TMEM132C: variants seen among roughly 807,000 people sequenced by gnomAD.
TMEM132C encodes the protein transmembrane protein 132C.
Under a neutral mutation model 61.4 loss-of-function variants are expected in TMEM132C, and 29 were observed. The observed-to-expected ratio is 0.47, with a 90% CI of 0.35 to 0.64. The LOEUF is 0.64. Ranked by LOEUF, TMEM132C falls within the 30% of genes least tolerant of loss-of-function variation. The pLI is 0.00. For missense variants in TMEM132C, 1,408 were observed against 1,476.9 expected, an observed-to-expected ratio of 0.95 and a Z score of 0.76; for synonymous variants, 656 against 633.1, an observed-to-expected ratio of 1.04 and a Z score of -0.54.
At chr12:128,495,058 G>T (rs1336022494) in intron 2 of TMEM132C, among the ~76,000 whole-genome samples, 12 of 131,798 alleles carry the variant, frequency 9.1e-5, no homozygotes, top group Non-Finnish European at 2.0e-4. Flanking sequence ...GTTCTCGTTG[G>T]TTTCAAAGAA....
intron 1 of TMEM132C, among the ~76,000 whole-genome samples, chr12:128,297,730 C>T (rs1041032480): frequency 2.0e-5 from 3 of 152,098 alleles, no homozygotes; most frequent in Non-Finnish European, 1.5e-5. Flanking sequence ...TGAACTTTTT[C>T]CTTCTGACAC....
At chr12:128,669,595 TG>T in intron 5 of TMEM132C, 35 bp downstream of exon 5, 1 of 1,546,778 alleles carries the variant, frequency 6.5e-7, no homozygotes, top group South Asian at 1.2e-5. Flanking sequence ...ATGGAACCGG[TG>T]GGAACTTCAC....
chr12:128,415,903 C>T lies in TMEM132C; in HGVS notation c.974+283C>T, dbSNP rs909993798. Reference sequence around the variant, plus strand: ...CTCTCTAGACCTTCAGTTATCCTCACACTTGGAGAGGGATGTGATTTTTCT... The same window carrying T: ...CTCTCTAGACCTTCAGTTATCCTCATACTTGGAGAGGGATGTGATTTTTCT... On this transcript the variant is annotated intron_variant, in intron 2 of 8. Coordinates refer to ENST00000435159, the MANE Select transcript of TMEM132C (RefSeq NM_001136103.3). This position sits in a 1 kb window ranked among gnomAD's most constrained non-coding sequence, Gnocchi z 5.8. 6.6e-6 allele frequency among the ~76,000 whole-genome samples: 1 copy of T among 152,112 alleles called. No individual in the cohort carries two copies. Among genetic ancestry groups the T allele is most frequent in the African/African-American group, 2.4e-5 (1 of 41,416 alleles).
intron 2 of TMEM132C, among the ~76,000 whole-genome samples, chr12:128,473,887 T>C (rs78205264): frequency 1.1e-3 from 169 of 152,282 alleles, no homozygotes; most frequent in African/African-American, 3.7e-3. Flanking sequence ...TCTGCAAAAA[T>C]CATTTCTCCA....
At chr12:128,614,968 G>C (rs898336160) in intron 3 of TMEM132C, among the ~76,000 whole-genome samples, 2 of 152,176 alleles carry the variant, frequency 1.3e-5, no homozygotes, top group Admixed American at 1.3e-4. Flanking sequence ...CTGGATGCCA[G>C]GGGCACCCCA....
chr12:128,705,192 G>A lies in TMEM132C; in HGVS notation c.2224G>A (p.Glu742Lys), dbSNP rs867814238. 1.9e-5 allele frequency: 29 copies of A among 1,551,588 alleles called. No homozygotes were observed. In the African/African-American group the frequency reaches 3.4e-4, roughly 18 times the overall value. The change falls in exon 9 of 9, where the codon GAG becomes AAG. Residue 742 changes from glutamate (E) to lysine (K), a missense_variant. Glu to Lys is a moderately conservative substitution (Grantham distance 56). Coordinates refer to ENST00000435159, the MANE Select transcript of TMEM132C (RefSeq NM_001136103.3). Reference protein sequence around the residue: ...DFSLAATSQDEAVVSVPQPRS... With the variant: ...DFSLAATSQDKAVVSVPQPRS... ...CTCCCTGGCAGCCACCTCCCAGGACGAGGCTGTCGTGTCAGTCCCCCAGCC... is the reference window on the plus strand; with the variant it reads ...CTCCCTGGCAGCCACCTCCCAGGACAAGGCTGTCGTGTCAGTCCCCCAGCC...
chr12:128,460,941 G>C (rs531006064), intron 2 of TMEM132C, among the ~76,000 whole-genome samples: 1 of 152,142 alleles, frequency 6.6e-6, no homozygotes, highest in African/African-American at 2.4e-5. Flanking sequence ...GGCCTGCCAC[G>C]GTGACTTAAC....
At chr12:128,504,093 C>G (rs954712082) in intron 2 of TMEM132C, among the ~76,000 whole-genome samples, 5 of 152,148 alleles carry the variant, frequency 3.3e-5, no homozygotes, top group Admixed American at 3.3e-4. Flanking sequence ...CAGGTGGTGG[C>G]TCCATGAGAG....
intron 1 of TMEM132C, among the ~76,000 whole-genome samples, chr12:128,396,819 G>C (rs753728208): frequency 6.6e-6 from 1 of 152,174 alleles, no homozygotes; most frequent in Non-Finnish European, 1.5e-5. Flanking sequence ...TCTCCACAGA[G>C]CCCTATCCTC....
At chr12:128,616,394 C>T (rs1876802752) in intron 4 of TMEM132C, 59 bp downstream of exon 4, 1 of 1,465,816 alleles carries the variant, frequency 6.8e-7, no homozygotes, top group Non-Finnish European at 9.2e-7. Context: ...CATCCTGTGT[C>T]CTTCCTATCT....
intron 4 of TMEM132C, among the ~76,000 whole-genome samples, chr12:128,627,512 C>A (rs940398273): frequency 6.6e-6 from 1 of 152,230 alleles, no homozygotes; most frequent in Non-Finnish European, 1.5e-5. Context: ...ACCCTTGAGT[C>A]TCTTGCCTCC....
intron 1 of TMEM132C, among the ~76,000 whole-genome samples, chr12:128,409,910 A>G (rs1479340225): frequency 6.6e-6 from 1 of 152,210 alleles, no homozygotes; most frequent in Admixed American, 6.5e-5. Context: ...ATGACAAGAT[A>G]GTGTCTTTGG....
At chr12:128,486,536 G>A (rs1871497096) in intron 2 of TMEM132C, among the ~76,000 whole-genome samples, 1 of 152,188 alleles carries the variant, frequency 6.6e-6, no homozygotes, top group African/African-American at 2.4e-5. Context: ...GCCCTGCCCT[G>A]TGGAAAGTGT....
chr12:128,688,596 G>C (rs1052584489), intron 5 of TMEM132C, among the ~76,000 whole-genome samples: 1 of 152,100 alleles, frequency 6.6e-6, no homozygotes, highest in African/African-American at 2.4e-5. Context: ...GAGTTATAGA[G>C]GAAACATTGT....
At chr12:128,578,769 T>C (rs1354363938) in intron 3 of TMEM132C, among the ~76,000 whole-genome samples, 1 of 152,076 alleles carries the variant, frequency 6.6e-6, no homozygotes, top group Non-Finnish European at 1.5e-5. Flanking sequence ...TGCTAATTTT[T>C]GTATTTTTAG....
At chr12:128,390,942 T>C (rs1252682922) in intron 1 of TMEM132C, among the ~76,000 whole-genome samples, 1 of 152,196 alleles carries the variant, frequency 6.6e-6, no homozygotes, top group Non-Finnish European at 1.5e-5. Flanking sequence ...CAGGCTTTTA[T>C]GTTGAAGCTG....
chr12:128,447,959 C>T lies in TMEM132C; in HGVS notation c.974+32339C>T. ...GCCAGGATGGTCTCGATCTCCTGAC[C>T]TCATGATCCACCCGCCTCGGCCTCC... On this transcript the variant is annotated intron_variant, in intron 2 of 8. Coordinates refer to ENST00000435159, the MANE Select transcript of TMEM132C (RefSeq NM_001136103.3). Among the ~76,000 whole-genome samples, 2 of 95,598 alleles carry T rather than the reference C, an allele frequency of 2.1e-5. 1 individual carries two copies. The highest frequency in any genetic ancestry group is 4.1e-5 in the Non-Finnish European group (2 of 48,286). 62.7% of individuals were successfully genotyped at this position (95,598 alleles called of 152,430 possible).
intron 2 of TMEM132C, among the ~76,000 whole-genome samples, chr12:128,535,349 G>A (rs2136139833): frequency 6.6e-6 from 1 of 151,040 alleles, no homozygotes; most frequent in East Asian, 1.9e-4. Context: ...TCTGACAAAG[G>A]GCTAATATCC....
chr12:128,300,218 A>G (rs1313199728), intron 1 of TMEM132C, among the ~76,000 whole-genome samples: 2 of 152,110 alleles, frequency 1.3e-5, no homozygotes, highest in Non-Finnish European at 2.9e-5. Context: ...TACTGGCTTT[A>G]AAAGAGAAAC....
Sources: allele counts gnomAD v4.1 joint callset (sites outside exome capture counted in the v4.1 genomes callset), GRCh38; gene constraint gnomAD v4.1.1; non-coding constraint Gnocchi (gnomAD v3.1); transcripts MANE v1.5; gene names NCBI Gene and HGNC (gene_info 2026-07-23, HGNC 2026-07-21).